MCC: variants seen among roughly 807,000 people sequenced by gnomAD.
The protein encoded by MCC is MCC regulator of Wnt signaling pathway, also known as colorectal mutant cancer protein.
MCC carries 90 observed loss-of-function variants against 116.2 expected under a neutral mutation model. That is an observed-to-expected ratio of 0.77 (90% CI 0.65 to 0.92). MCC has a LOEUF of 0.92. MCC is among the 40% of genes least tolerant of loss of function. The pLI, the probability that MCC is intolerant of heterozygous loss-of-function variation, is 0.00. For missense variants in MCC, 1,516 were observed against 1,312.2 expected (o/e 1.16, Z -2.40); for synonymous variants, 578 against 510.5 (o/e 1.13, Z -1.78).
intron 1 of MCC, among the ~76,000 whole-genome samples, chr5:113,459,909 T>C (rs4705823): frequency 0.32 from 48,614 of 151,502 alleles, 9,748 homozygotes; most frequent in African/African-American, 0.55. Flanking sequence ...GATATTTAGA[T>C]AGATATTTAA....
intron 8 of MCC, among the ~76,000 whole-genome samples, chr5:113,087,111 G>A (rs899378412): frequency 2.6e-5 from 4 of 152,218 alleles, no homozygotes; most frequent in African/African-American, 9.6e-5. Flanking sequence ...CAGAGAACAG[G>A]CAGGCACATG....
Position 113,344,344 on chromosome 5 carries a change from G to C in MCC, c.416-3614C>G, listed in dbSNP as rs1239537372. On this transcript the variant is annotated intron_variant, in intron 2 of 18. Transcript: ENST00000408903. ...GTGCTCTGGGGTTCTAGGTAAACTT[G>C]AAAGGCAGTCTAGGACACAAAGACT... Among the ~76,000 whole-genome samples the C allele has an allele frequency of 2.0e-5, 3 of 152,142 alleles. No homozygotes were observed. In the South Asian group the frequency reaches 6.2e-4, roughly 32 times the overall value.
intron 1 of MCC, among the ~76,000 whole-genome samples, chr5:113,410,183 G>A (rs980616951): frequency 1.3e-5 from 2 of 152,060 alleles, no homozygotes; most frequent in East Asian, 1.9e-4. Flanking sequence ...AAACCTTTCC[G>A]TGTTAAGAAA....
rs1554087730 is a variant in MCC, at chr5:113,488,342, T to TGCTGCTGCCGCTGCC, written c.72_73insGGCAGCGGCAGCAGC (p.Ser24_Ser25insGlySerGlySerSer). On this transcript the variant is annotated inframe_insertion, in exon 1 of 19. Transcript: ENST00000408903. ...CTGGACGTGTCGCTGCTGCTGCTGCTGCTGCCGCTGCCGCCGCCGCCGCCG... is the reference window on the plus strand; with the variant it reads ...CTGGACGTGTCGCTGCTGCTGCTGCTGCTGCTGCCGCTGCCGCTGCCGCTGCCGCCGCCGCCGCCG... 1.0e-4 allele frequency: 154 copies of TGCTGCTGCCGCTGCC among 1,531,296 alleles called. 1 individual carries two copies. In the East Asian group the frequency reaches 3.3e-3, roughly 33 times the overall value. The allele number at this position is 1,531,296 out of a possible 1,614,324, so 94.9% of individuals were successfully genotyped here. A position where few individuals can be genotyped will look rare whatever the true frequency, so the allele number is the denominator to read the frequency against.
intron 5 of MCC, 27 bp from the exon 6 acceptor site, chr5:113,122,853 A>C (rs1442528822): frequency 7.4e-6 from 12 of 1,612,684 alleles, no homozygotes; most frequent in Non-Finnish European, 1.0e-5. Context: ...ATTGGCAACC[A>C]CTAACAGAGG....
intron 4 of MCC, among the ~76,000 whole-genome samples, chr5:113,144,643 C>CA (rs1341863102): frequency 3.3e-5 from 5 of 152,196 alleles, no homozygotes; most frequent in Non-Finnish European, 7.3e-5. Context: ...AAGTACTCAA[C>CA]AAAGAAGTCT....
rs1750433438 is a variant in MCC, at chr5:113,025,023, TC to T, written c.*2278del. 6.6e-6 allele frequency: 1 copy of T among 151,940 alleles called. No individual in the cohort carries two copies. The highest frequency in any genetic ancestry group is 6.6e-5 in the Admixed American group (1 of 15,252). 9.4% of individuals were successfully genotyped at this position (151,940 alleles called of 1,614,324 possible). The stretch of plus-strand genomic sequence containing the variant: ...TGGAGCCGCCTCTGCCTGGGGGAAT[TC>T]TCAGAGAAGGGGAGGTTCTCTGATT... On this transcript the variant is annotated 3_prime_UTR_variant, in exon 19 of 19. Coordinates refer to ENST00000408903, the MANE Select transcript of MCC (RefSeq NM_001085377.2).
intron 3 of MCC, among the ~76,000 whole-genome samples, chr5:113,222,784 T>C (rs1467186661): frequency 6.6e-6 from 1 of 152,146 alleles, no homozygotes; most frequent in African/African-American, 2.4e-5. Context: ...GTGACCAAGA[T>C]ACAACCCCTA....
chr5:113,157,120 G>A (rs1760214120), intron 3 of MCC, among the ~76,000 whole-genome samples: 1 of 152,182 alleles, frequency 6.6e-6, no homozygotes. Flanking sequence ...TCTGATGAGA[G>A]CCCCTCCAGG....
intron 3 of MCC, among the ~76,000 whole-genome samples, chr5:113,276,115 C>T (rs767884881): frequency 1.3e-5 from 2 of 152,046 alleles, no homozygotes; most frequent in African/African-American, 4.8e-5. Context: ...AGTGTGGGAA[C>T]AGCACAGCAG....
intron 1 of MCC, among the ~76,000 whole-genome samples, chr5:113,407,928 C>G (rs1286560501): frequency 1.3e-5 from 2 of 152,116 alleles, no homozygotes; most frequent in Non-Finnish European, 2.9e-5. Flanking sequence ...GAAAACTTAG[C>G]CCAGACACTG....
intron 1 of MCC, among the ~76,000 whole-genome samples, chr5:113,395,938 G>C (rs1769516114): frequency 6.6e-6 from 1 of 152,144 alleles, no homozygotes; most frequent in African/African-American, 2.4e-5. Flanking sequence ...ATCAGTATTT[G>C]TTAAAAGGCT....
At chr5:113,264,250 T>C (rs770188710) in intron 3 of MCC, among the ~76,000 whole-genome samples, 3 of 152,206 alleles carry the variant, frequency 2.0e-5, no homozygotes, top group Non-Finnish European at 4.4e-5. Context: ...TTACACAATC[T>C]TCCAGGAGAC....
At chr5:113,465,881 G>T (rs907520364) in intron 1 of MCC, among the ~76,000 whole-genome samples, 30 of 152,194 alleles carry the variant, frequency 2.0e-4, no homozygotes, top group African/African-American at 7.0e-4. Context: ...AAGAAAATGG[G>T]CACTCTTATA....
In MCC at chr5:113,028,991, C is replaced by G; in HGVS notation, c.2822G>C (p.Ser941Thr). Reference protein sequence around the residue: ...VSALERLTKSSEIRHQQSAEF... With the variant: ...VSALERLTKSTEIRHQQSAEF... ...TGCAGATTGCTGATGTCGGATTTCA[C>G]TGCTCTTGGTGAGTCTCTCCAAGGC... The change falls in exon 18 of 19, where the codon AGT becomes ACT. Residue 941 changes from serine (S) to threonine (T), a missense_variant. Ser to Thr is a moderately conservative substitution (Grantham distance 58). Coordinates refer to ENST00000408903, the MANE Select transcript of MCC (RefSeq NM_001085377.2). 6.2e-7 allele frequency: 1 copy of G among 1,614,034 alleles called. No homozygotes were observed. The highest frequency in any genetic ancestry group is 8.5e-7 in the Non-Finnish European group (1 of 1,179,966).
chr5:113,044,001 G>A (rs1751907586), intron 16 of MCC, among the ~76,000 whole-genome samples: 1 of 38,800 alleles, frequency 2.6e-5, no homozygotes, highest in Non-Finnish European at 5.9e-5. Flanking sequence ...TGAAGGCACA[G>A]AGAAGTTATG....
rs1755054301 is a variant in MCC, at chr5:113,084,304, A to G, written c.1546-114T>C. ...AGCCATGTCAACTAAATGATTAAAGAACTTAAGAACAGCTCACGTCCAATT... is the reference window on the plus strand; with the variant it reads ...AGCCATGTCAACTAAATGATTAAAGGACTTAAGAACAGCTCACGTCCAATT... On this transcript the variant is annotated intron_variant, in intron 9 of 18. Coordinates refer to ENST00000408903, the MANE Select transcript of MCC (RefSeq NM_001085377.2). 7.6e-6 allele frequency: 6 copies of G among 788,998 alleles called. No homozygotes were observed. In the South Asian group the frequency reaches 7.9e-5, roughly 10 times the overall value. 48.9% of individuals were successfully genotyped at this position (788,998 alleles called of 1,614,324 possible).
intron 11 of MCC, among the ~76,000 whole-genome samples, chr5:113,075,644 G>T (rs1754394052): frequency 6.6e-6 from 1 of 152,154 alleles, no homozygotes; most frequent in African/African-American, 2.4e-5. Flanking sequence ...CTGTAAAACA[G>T]ACCAATCAGC....
At chr5:113,374,274 A>G (rs1048937811) in intron 2 of MCC, among the ~76,000 whole-genome samples, 2 of 148,780 alleles carry the variant, frequency 1.3e-5, no homozygotes, top group Non-Finnish European at 3.0e-5. Context: ...TGTCTTTGCT[A>G]TGATCTTAAC....
Sources: allele counts gnomAD v4.1 joint callset (sites outside exome capture counted in the v4.1 genomes callset), GRCh38; gene constraint gnomAD v4.1.1; transcripts MANE v1.5; gene names NCBI Gene and HGNC (gene_info 2026-07-23, HGNC 2026-07-21).